The following HMCN2 variants were observed in gnomAD, a reference collection of about 807,000 sequenced individuals.
The protein encoded by HMCN2 is hemicentin-2.
Under a neutral mutation model 377.5 loss-of-function variants are expected in HMCN2, and 325 were observed. That is an observed-to-expected ratio of 0.86 (90% CI 0.79 to 0.94). The LOEUF (loss-of-function observed/expected upper bound fraction) is 0.94, where lower values mean the gene tolerates loss of function less well. Among genes scored for constraint, HMCN2 ranks in the 40% least tolerant of loss-of-function variants. HMCN2 has a pLI of 0.00. For synonymous variants in HMCN2, 2,007 were observed against 2,046.8 expected (o/e 0.98, Z 0.53); for missense variants, 4,543 against 4,725.3 (o/e 0.96, Z 1.13).
intron 55 of HMCN2, 84 bp downstream of exon 55, chr9:130,382,381 C>A: frequency 2.0e-6 from 1 of 508,140 alleles, no homozygotes; most frequent in Non-Finnish European, 2.5e-6. Context: ...AGGCAAAGTG[C>A]ACACAGTCTT....
rs918274656 is a variant in HMCN2 at position 130,388,388 on chromosome 9, A to T, written c.9392-21A>T. 4.0e-6 allele frequency: 4 copies of T among 987,806 alleles called. No homozygotes were observed. The African/African-American group carries it at 5.2e-5, about 13-fold the overall frequency. 61.2% of individuals were successfully genotyped at this position (987,806 alleles called of 1,614,324 possible). A position where few individuals can be genotyped will look rare whatever the true frequency, so the allele number is the denominator to read the frequency against. On this transcript the variant is annotated intron_variant, in intron 61 of 97. Coordinates refer to ENST00000683500, the MANE Select transcript of HMCN2 (RefSeq NM_001291815.2). ...TGGGGAAGAGTCTCAGAATTCTGAC[A>T]GTCTGGCTTTCTTCCTGCAGTGCCC...
rs529719909 is a variant in HMCN2, at chr9:130,351,089, C to T, written c.4431-334C>T. The stretch of plus-strand genomic sequence containing the variant: ...CAAGCCTGCTTTCCTTCTCTATGGA[C>T]GTGCCTGTTCTGGGTACTTCACATC... On this transcript the variant is annotated intron_variant, in intron 29 of 97. Coordinates refer to ENST00000683500, the MANE Select transcript of HMCN2 (RefSeq NM_001291815.2). This position sits in a 1 kb window ranked among gnomAD's most constrained non-coding sequence, Gnocchi z 5.4. Among the ~76,000 whole-genome samples the T allele has an allele frequency of 2.6e-5, 4 of 152,306 alleles. No homozygotes were observed. The highest frequency in any genetic ancestry group is 3.4e-3 in the Middle Eastern group (1 of 294).
intron 45 of HMCN2, 103 bp from the exon 46 acceptor site, chr9:130,370,861 C>T (rs1016120878): frequency 4.4e-6 from 3 of 688,046 alleles, no homozygotes; most frequent in South Asian, 1.3e-4. Flanking sequence ...CTCAGACTCT[C>T]CCAATTGGGT....
chr9:130,394,440 C>A lies in HMCN2; in HGVS notation c.10557C>A (p.Gly3519=). The change falls in exon 69 of 98, where the codon GGC becomes GGA. Residue 3519 remains glycine (G), a synonymous_variant. Transcript: ENST00000683500. This position sits in a 1 kb window ranked among gnomAD's most constrained non-coding sequence, Gnocchi z 5.1. ...CTACAGAGCTGTCGCTGACCCCCGG[C>A]GCCCCCATGGAGCTCCTCTGTGATG... ...GQPTELSLTP[G]APMELLCDAQ... 7.8e-7 allele frequency: 1 copy of A among 1,289,660 alleles called. No homozygotes were observed. The highest frequency in any genetic ancestry group is 1.0e-6 in the Non-Finnish European group (1 of 988,734). The allele number at this position is 1,289,660 out of a possible 1,614,324, so 79.9% of individuals were successfully genotyped here.
intron 53 of HMCN2, among the ~76,000 whole-genome samples, chr9:130,378,328 AGGAGGCTGGG>A (rs1841504959): frequency 1.0e-5 from 1 of 98,956 alleles, no homozygotes; most frequent in African/African-American, 4.0e-5. Context: ...GAGGCTGGGG[AGGAGGCTGGG>A]AAGGGGAGGC....
Position 130,359,303 on chromosome 9 carries a change from C to T in HMCN2, c.5678-16C>T. ...CTTGCACCTACCAAGCTGGGTCTCT[C>T]CTTGTCTCCCCCTAGTGCCCCCCAA... On this transcript the variant is annotated splice_polypyrimidine_tract_variant and intron_variant, in intron 36 of 97. Transcript: ENST00000683500. 7.7e-7 allele frequency: 1 copy of T among 1,293,818 alleles called. No homozygotes were observed. Among genetic ancestry groups the T allele is most frequent in the Non-Finnish European group, 1.0e-6 (1 of 979,994 alleles). The allele number at this position is 1,293,818 out of a possible 1,614,324, so 80.1% of individuals were successfully genotyped here. A position where few individuals can be genotyped will look rare whatever the true frequency, so the allele number is the denominator to read the frequency against.
Position 130,307,567 on chromosome 9 carries a change from G to T in HMCN2, c.2200+1G>T, listed in dbSNP as rs1424589356. On this transcript the variant is annotated splice_donor_variant, in intron 14 of 97. Coordinates refer to ENST00000683500, the MANE Select transcript of HMCN2 (RefSeq NM_001291815.2). LOFTEE classifies it high-confidence loss of function. ...CCGCCCCGAGTCATCTGGTATCGAG[G>T]TGTGTTGGTGGGGAGGGGCCCTGAA... The T allele has an allele frequency of 6.4e-6, 3 of 471,052 alleles. No homozygotes were observed. The highest frequency in any genetic ancestry group is 6.0e-5 in the African/African-American group (3 of 50,068). The allele number at this position is 471,052 out of a possible 1,614,324, so 29.2% of individuals were successfully genotyped here.
Position 130,354,798 on chromosome 9 carries a change from T to C in HMCN2, c.4900T>C (p.Tyr1634His). 1 of 1,303,990 alleles carries C rather than the reference T, an allele frequency of 7.7e-7. No individual in the cohort carries two copies. The highest frequency in any genetic ancestry group is 1.0e-6 in the Non-Finnish European group (1 of 988,784). The allele number at this position is 1,303,990 out of a possible 1,614,324, so 80.8% of individuals were successfully genotyped here. The change falls in exon 32 of 98, where the codon TAC becomes CAC. Residue 1634 changes from tyrosine (Y) to histidine (H), a missense_variant. This residue lies in a region of HMCN2 where 1,032 missense variants were observed against 1,285.1 expected (regional missense o/e 0.80). Transcript: ENST00000683500. ...CATCGAGGGCGCCGGTGGAAGACCA[T>C]ACGTGGTGAAGGCTGTGGCTGGGAG... is the stretch of plus-strand genomic sequence containing the variant. ...PTIEGAGGRP[Y>H]VVKAVAGRPV...
intron 22 of HMCN2, among the ~76,000 whole-genome samples, chr9:130,332,176 G>C (rs1838463999): frequency 6.6e-6 from 1 of 152,240 alleles, no homozygotes; most frequent in Non-Finnish European, 1.5e-5. Flanking sequence ...AGCCCTTGTT[G>C]GTTTCTGGTC....
chr9:130,349,856 C>T (rs1839604908), intron 29 of HMCN2, among the ~76,000 whole-genome samples, 193 bp downstream of exon 29: 1 of 151,314 alleles, frequency 6.6e-6, no homozygotes, highest in Non-Finnish European at 1.5e-5. Flanking sequence ...CCACTCTTAC[C>T]TCAGCAAAGT....
At chr9:130,295,971 AGTGGTTTGGG>A (rs1368294055) in intron 6 of HMCN2, among the ~76,000 whole-genome samples, 199 bp downstream of exon 6, 1 of 152,128 alleles carries the variant, frequency 6.6e-6, no homozygotes, top group Non-Finnish European at 1.5e-5. Flanking sequence ...GAAGAAATAG[AGTGGTTTGGG>A]GTTACTTTGG....
At chr9:130,427,710 G>A (rs529785303) in intron 92 of HMCN2, 91 bp downstream of exon 92, 2 of 1,436,266 alleles carry the variant, frequency 1.4e-6, no homozygotes, top group African/African-American at 1.4e-5. Context: ...ACCCTGGCTG[G>A]GGACACAGAC....
At chr9:130,353,854 C>T (rs1228429302) in intron 31 of HMCN2, among the ~76,000 whole-genome samples, 1 of 152,046 alleles carries the variant, frequency 6.6e-6, no homozygotes, top group African/African-American at 2.4e-5. Context: ...TGAGCAGGGC[C>T]CCGGTGAAGT....
In HMCN2 at chr9:130,414,145, T is replaced by C. The variant is rs1843568560; in HGVS notation, c.12961+3493T>C. ...CCTCGCCCCTGTACCGAGGCACTGC[T>C]CTCCCCACACTGGAGCAGGATGCTG... is the stretch of plus-strand genomic sequence containing the variant. On this transcript the variant is annotated intron_variant, in intron 85 of 97. Transcript: ENST00000683500. The surrounding 1 kb of genome is among the most constrained non-coding windows in gnomAD (Gnocchi z 4.4). Among the ~76,000 whole-genome samples, 1 of 152,074 alleles carries C rather than the reference T, an allele frequency of 6.6e-6. No homozygotes were observed. Among genetic ancestry groups the C allele is most frequent in the African/African-American group, 2.4e-5 (1 of 41,398 alleles).
chr9:130,410,781 C>A, intron 85 of HMCN2, 129 bp downstream of exon 85: 1 of 775,142 alleles, frequency 1.3e-6, no homozygotes, highest in Non-Finnish European at 2.2e-6. Context: ...ACTTGGAACA[C>A]ACACTGAATC....
chr9:130,293,279 G>GTTTTAATTTTTTTTTTT (rs1835902310), intron 4 of HMCN2, among the ~76,000 whole-genome samples: 1 of 57,126 alleles, frequency 1.8e-5, no homozygotes, highest in Non-Finnish European at 2.7e-5. Context: ...ACTCACTAAA[G>GTTTTAATTTTTTTTTTT]TTTTTTTTTT....
intron 15 of HMCN2, among the ~76,000 whole-genome samples, chr9:130,315,802 C>T (rs988104597): frequency 6.6e-6 from 1 of 152,152 alleles, no homozygotes; most frequent in African/African-American, 2.4e-5. Context: ...CAGGTCCTCT[C>T]GTGGCCTTTC....
In HMCN2 at chr9:130,384,675, C is replaced by T. The variant is rs1304848312; in HGVS notation, c.8993-10C>T. 11 of 1,301,666 alleles carry T rather than the reference C, an allele frequency of 8.5e-6. No individual in the cohort carries two copies. In the East Asian group the frequency reaches 5.5e-4, roughly 66 times the overall value. 80.6% of individuals were successfully genotyped at this position (1,301,666 alleles called of 1,614,324 possible). A position where few individuals can be genotyped will look rare whatever the true frequency, so the allele number is the denominator to read the frequency against. On this transcript the variant is annotated splice_polypyrimidine_tract_variant and intron_variant, in intron 58 of 97. Transcript: ENST00000683500. ...GAATGCTGGTGTGAGGGGCTGGCTT[C>T]CCCCGGCAGGCACCCACACGCTGCA...
In HMCN2 at chr9:130,431,449, CG is replaced by C. The variant is rs1161257292; in HGVS notation, c.14732del (p.Gly4911AlafsTer181). On this transcript the variant is annotated frameshift_variant, in exon 96 of 98. Coordinates refer to ENST00000683500, the MANE Select transcript of HMCN2 (RefSeq NM_001291815.2). LOFTEE classifies it high-confidence loss of function. The part of the protein sequence containing the change: ...EGSYQCLCPA[G>X]YRLLPSGKNC... Reference sequence around the variant, plus strand: ...GCAGCTACCAGTGCCTGTGCCCCGCCGGCTACCGTCTGCTCCCCAGCGGGAA... The same window carrying C: ...GCAGCTACCAGTGCCTGTGCCCCGCCGCTACCGTCTGCTCCCCAGCGGGAA... The C allele has an allele frequency of 6.5e-6, 10 of 1,549,992 alleles. No homozygotes were observed. Among genetic ancestry groups the C allele is most frequent in the Non-Finnish European group, 7.8e-6 (9 of 1,146,854 alleles).
Sources: allele counts gnomAD v4.1 joint callset (sites outside exome capture counted in the v4.1 genomes callset), GRCh38; gene constraint gnomAD v4.1.1; regional missense constraint gnomAD v4.1.1; non-coding constraint Gnocchi (gnomAD v3.1); transcripts MANE v1.5; gene names NCBI Gene and HGNC (gene_info 2026-07-23, HGNC 2026-07-21).